The following CSMD1 variants were observed in gnomAD, a reference collection of about 807,000 sequenced individuals.
The protein encoded by CSMD1 is CUB and Sushi multiple domains 1, also known as CUB and sushi domain-containing protein 1.
CSMD1 carries 213 observed loss-of-function variants against 417.5 expected under a neutral mutation model. That is an observed-to-expected ratio of 0.51 (90% confidence interval 0.46 to 0.57). The LOEUF (loss-of-function observed/expected upper bound fraction) is 0.57, where lower values mean the gene tolerates loss of function less well. CSMD1 is among the 20% of genes least tolerant of loss of function. The pLI is 0.00. For synonymous variants in CSMD1, 2,862 were observed against 1,736.8 expected, an observed-to-expected ratio of 1.65 and a Z score of -16.11; for missense variants, 6,923 against 4,529.7, an observed-to-expected ratio of 1.53 and a Z score of -15.17.
chr8:4,450,414 T>C (rs1308561427), intron 2 of CSMD1, among the ~76,000 whole-genome samples: 1 of 152,048 alleles, frequency 6.6e-6, no homozygotes, highest in East Asian at 1.9e-4. Flanking sequence ...GATCAGCAGG[T>C]CAAGAAATGG....
intron 7 of CSMD1, among the ~76,000 whole-genome samples, chr8:3,664,939 C>T (rs975799994): frequency 1.3e-5 from 2 of 151,958 alleles, no homozygotes; most frequent in African/African-American, 2.4e-5. Context: ...TGTCTCTGTG[C>T]GTCAAAGATT....
chr8:4,487,637 A>C (rs73496620), intron 2 of CSMD1, among the ~76,000 whole-genome samples: 4 of 152,166 alleles, frequency 2.6e-5, no homozygotes, highest in Admixed American at 2.0e-4. Context: ...AATAAGGCAC[A>C]CCCTTGATTT....
intron 3 of CSMD1, among the ~76,000 whole-genome samples, chr8:4,179,331 G>A (rs569831066): frequency 6.6e-6 from 1 of 152,252 alleles, no homozygotes; most frequent in East Asian, 1.9e-4. Flanking sequence ...ATGGGGGAAG[G>A]ATTCCCTATT....
At chr8:4,845,949 T>A (rs1423426043) in intron 1 of CSMD1, among the ~76,000 whole-genome samples, 4 of 152,236 alleles carry the variant, frequency 2.6e-5, no homozygotes, top group African/African-American at 9.6e-5. Context: ...TGCATACACT[T>A]ACAAAAGAAT....
chr8:3,851,210 G>C (rs189597770), intron 5 of CSMD1, among the ~76,000 whole-genome samples: 1 of 152,364 alleles, frequency 6.6e-6, no homozygotes, highest in Non-Finnish European at 1.5e-5. Flanking sequence ...CATTATGCTA[G>C]AAGGTAGAAT....
At chr8:3,096,209 T>C (rs562005447) in intron 47 of CSMD1, among the ~76,000 whole-genome samples, 1 of 152,210 alleles carries the variant, frequency 6.6e-6, no homozygotes, top group Admixed American at 6.5e-5. Flanking sequence ...GGTGTATTCC[T>C]AAGCATTCTA....
chr8:3,907,718 G>A (rs1044085132), intron 5 of CSMD1, among the ~76,000 whole-genome samples: 1 of 152,168 alleles, frequency 6.6e-6, no homozygotes, highest in Non-Finnish European at 1.5e-5. Context: ...GCTGCCCTGA[G>A]AAGTGTTATG....
intron 2 of CSMD1, among the ~76,000 whole-genome samples, chr8:4,599,244 T>C (rs1218680732): frequency 1.3e-5 from 2 of 152,176 alleles, no homozygotes; most frequent in Non-Finnish European, 2.9e-5. Flanking sequence ...GATTAAATAA[T>C]TCTACCCCAT....
chr8:4,110,707 G>GT (rs1191330981), intron 3 of CSMD1, among the ~76,000 whole-genome samples: 22 of 151,616 alleles, frequency 1.5e-4, no homozygotes, highest in Admixed American at 2.6e-4. Flanking sequence ...TAATTTCAGG[G>GT]TTTTTTTTCC....
intron 4 of CSMD1, among the ~76,000 whole-genome samples, chr8:4,016,354 A>G (rs1473042653): frequency 6.6e-6 from 1 of 152,104 alleles, no homozygotes; most frequent in South Asian, 2.1e-4. Flanking sequence ...ACATTTTGCA[A>G]TCTCCTCTTG....
chr8:3,902,992 C>G (rs759345955), intron 5 of CSMD1, among the ~76,000 whole-genome samples: 3 of 152,092 alleles, frequency 2.0e-5, no homozygotes, highest in Non-Finnish European at 2.9e-5. Flanking sequence ...TTGTTTTATT[C>G]TTTCTAGTCT....
chr8:4,131,090 T>C (rs1803074547), intron 3 of CSMD1, among the ~76,000 whole-genome samples: 1 of 152,226 alleles, frequency 6.6e-6, no homozygotes, highest in South Asian at 2.1e-4. Flanking sequence ...GTGTGATTTC[T>C]AACTGCTGTT....
At chr8:4,499,754 G>C (rs900974439) in intron 2 of CSMD1, among the ~76,000 whole-genome samples, 1 of 152,194 alleles carries the variant, frequency 6.6e-6, no homozygotes, top group African/African-American at 2.4e-5. Context: ...AGAAAAATAA[G>C]AAAGTTAGTA....
At chr8:3,542,222 C>G (rs925360441) in intron 10 of CSMD1, among the ~76,000 whole-genome samples, 2 of 152,110 alleles carry the variant, frequency 1.3e-5, no homozygotes, top group African/African-American at 2.4e-5. Flanking sequence ...TCTTATTAAT[C>G]AATGACTATT....
chr8:3,868,287 C>T (rs372026301), intron 5 of CSMD1, among the ~76,000 whole-genome samples: 2 of 152,018 alleles, frequency 1.3e-5, no homozygotes, highest in Non-Finnish European at 2.9e-5. Flanking sequence ...CCTTTTCAGT[C>T]GCCCTGCTTG....
intron 21 of CSMD1, among the ~76,000 whole-genome samples, chr8:3,357,014 CA>C (rs1808840152): frequency 6.6e-6 from 1 of 151,698 alleles, no homozygotes; most frequent in Non-Finnish European, 1.5e-5. Context: ...GGGAAAGCAT[CA>C]GGGGGACTGC....
intron 38 of CSMD1, among the ~76,000 whole-genome samples, chr8:3,159,371 T>C (rs568653077): frequency 1.4e-4 from 22 of 152,346 alleles, no homozygotes; most frequent in Admixed American, 7.2e-4. Flanking sequence ...TTTTCTTTTT[T>C]ATGTTTAAAA....
chr8:2,965,787 G>T lies in CSMD1; in HGVS notation c.9268C>A (p.Pro3090Thr), dbSNP rs747716686. ...TKDGRWNPSK[P>T]VCKAVLCPQP... ...TCACCAAACAAACCTTTGCAGACAG[G>T]TTTGCTCGGATTCCACCTGCCGTCT... Residue 3090 changes from proline to threonine, a missense_variant, in exon 59 of 70, where the codon CCT becomes ACT. Coordinates refer to ENST00000635120, the MANE Select transcript of CSMD1 (RefSeq NM_033225.6). 6.2e-7 allele frequency: 1 copy of T among 1,605,716 alleles called. No homozygotes were observed. Among genetic ancestry groups the T allele is most frequent in the Non-Finnish European group, 8.5e-7 (1 of 1,175,914 alleles).
At chr8:4,980,912 A>AG (rs1810854144) in intron 1 of CSMD1, among the ~76,000 whole-genome samples, 1 of 152,104 alleles carries the variant, frequency 6.6e-6, no homozygotes, top group African/African-American at 2.4e-5. Flanking sequence ...GAAAAAAAAA[A>AG]AAACTTATTA....
Sources: gnomAD v4.1 joint callset for allele counts (sites outside exome capture counted in the v4.1 genomes callset) on GRCh38, gnomAD v4.1.1 for gene constraint, MANE v1.5 for transcripts, NCBI Gene and HGNC (gene_info 2026-07-23, HGNC 2026-07-21) for gene names.